The following PLCB1 variants were observed in gnomAD, a reference collection of about 807,000 sequenced individuals.
PLCB1 encodes phospholipase C beta 1, also known as 1-phosphatidylinositol 4,5-bisphosphate phosphodiesterase beta-1.
A neutral mutation model predicts 161.8 loss-of-function variants in PLCB1; 46 were observed. That is an observed-to-expected ratio of 0.28 (90% CI 0.22 to 0.36). The LOEUF (loss-of-function observed/expected upper bound fraction) is 0.36. Ranked by LOEUF, PLCB1 falls within the 10% of genes least tolerant of loss-of-function variation. The pLI, the probability that PLCB1 is intolerant of heterozygous loss-of-function variation, is 1.00. For synonymous variants in PLCB1, 517 were observed against 503.7 expected (o/e 1.03, Z -0.35); for missense variants, 1,016 against 1,472.5 (o/e 0.69, Z 5.07).
At chr20:8,263,632 G>C (rs528452419) in intron 2 of PLCB1, among the ~76,000 whole-genome samples, 1 of 152,286 alleles carries the variant, frequency 6.6e-6, no homozygotes, top group East Asian at 1.9e-4. Context: ...ATATGGCATA[G>C]CTTATTGCTC....
intron 2 of PLCB1, among the ~76,000 whole-genome samples, chr20:8,309,988 T>TA (rs2123335392): frequency 6.6e-6 from 1 of 152,310 alleles, no homozygotes; most frequent in African/African-American, 2.4e-5. Context: ...CAATGAGTCT[T>TA]AAAGATAAAA....
At chr20:8,207,044 A>G (rs892555872) in intron 2 of PLCB1, among the ~76,000 whole-genome samples, 5 of 143,902 alleles carry the variant, frequency 3.5e-5, no homozygotes, top group Admixed American at 1.4e-4. Context: ...TATAGACAAA[A>G]GACTGTAAGA....
At chr20:8,199,587 A>T (rs756384014) in intron 2 of PLCB1, among the ~76,000 whole-genome samples, 1 of 151,968 alleles carries the variant, frequency 6.6e-6, no homozygotes, top group Non-Finnish European at 1.5e-5. Flanking sequence ...TTATTTGGTG[A>T]TTTGTTGCTT....
intron 2 of PLCB1, among the ~76,000 whole-genome samples, chr20:8,167,086 A>G (rs921759991): frequency 6.6e-6 from 1 of 152,178 alleles, no homozygotes; most frequent in African/African-American, 2.4e-5. Context: ...TAAATACTGT[A>G]GTGTCTGATT....
intron 3 of PLCB1, among the ~76,000 whole-genome samples, chr20:8,591,006 T>G (rs1021551821): frequency 1.3e-5 from 2 of 152,058 alleles, no homozygotes; most frequent in Admixed American, 1.3e-4. Flanking sequence ...CCCCAGTGTG[T>G]TGTTCCCCTC....
chr20:8,615,142 C>T, intron 3 of PLCB1, among the ~76,000 whole-genome samples: 1 of 152,094 alleles, frequency 6.6e-6, no homozygotes, highest in East Asian at 1.9e-4. Flanking sequence ...ACACCATAAG[C>T]ATTGTATCTT....
intron 3 of PLCB1, among the ~76,000 whole-genome samples, chr20:8,555,716 T>C (rs1985930340): frequency 1.3e-5 from 2 of 152,118 alleles, no homozygotes; most frequent in Non-Finnish European, 2.9e-5. Context: ...ATATGGCATG[T>C]GCTCTTATCA....
Position 8,765,152 on chromosome 20 carries a change from G to A in PLCB1, c.2724G>A (p.Gln908=). The A allele has an allele frequency of 6.2e-7, 1 of 1,613,284 alleles. No individual in the cohort carries two copies. Among genetic ancestry groups the A allele is most frequent in the Non-Finnish European group, 8.5e-7 (1 of 1,179,782 alleles). ...CATTTGTTGCAGAAGTGGAAGCACAGACCATCGAAGAACTAAAGCAACAGA... is the reference window on the plus strand; with the variant it reads ...CATTTGTTGCAGAAGTGGAAGCACAAACCATCGAAGAACTAAAGCAACAGA... ...IQSVLTEVEA[Q]TIEELKQQKS... is the part of the protein sequence containing the mutation. Residue 908 remains glutamine, a synonymous_variant, in exon 26 of 32, where the codon CAG becomes CAA. Transcript: ENST00000338037.
chr20:8,745,509 A>C, intron 23 of PLCB1, among the ~76,000 whole-genome samples: 1 of 152,170 alleles, frequency 6.6e-6, no homozygotes, highest in East Asian at 1.9e-4. Flanking sequence ...TAATTTATAA[A>C]CCAAATAGAT....
At position 8,408,128 on chromosome 20, in the gene PLCB1, TATATC is replaced by T. The variant is rs751694673; in HGVS notation, c.246+36682_246+36686del. ...ATATTGGTTGATTGACTGTGACAAA[TATATC>T]ATACTAATGTAAGATATTAACAACA... On this transcript the variant is annotated intron_variant, in intron 3 of 31. Coordinates refer to ENST00000338037, the MANE Select transcript of PLCB1 (RefSeq NM_015192.4). 7.2e-4 allele frequency among the ~76,000 whole-genome samples: 109 copies of T among 152,358 alleles called. 1 individual carries two copies. The highest frequency in any genetic ancestry group is 1.2e-3 in the Non-Finnish European group (81 of 68,032).
chr20:8,764,573 C>T (rs4481068), intron 25 of PLCB1, among the ~76,000 whole-genome samples: 7,961 of 152,200 alleles, frequency 0.052, 459 homozygotes, highest in African/African-American at 0.15. Context: ...CTGTTAACAG[C>T]TCATAACTTC....
Position 8,605,757 on chromosome 20 carries a change from CAT to C in PLCB1, c.247-22534_247-22533del, listed in dbSNP as rs772730105. On this transcript the variant is annotated intron_variant, in intron 3 of 31. Transcript: ENST00000338037. The stretch of plus-strand genomic sequence containing the variant: ...TACCCACCACCCAAAAAGTGAATAT[CAT>C]ATCCAATAGGTAATTTTTCAACGTT... Among the ~76,000 whole-genome samples, 4 of 152,016 alleles carry C rather than the reference CAT, an allele frequency of 2.6e-5. No individual in the cohort carries two copies. In the East Asian group the frequency reaches 7.8e-4, roughly 30 times the overall value.
chr20:8,133,611 A>G (rs1240348978), intron 1 of PLCB1, among the ~76,000 whole-genome samples: 1 of 152,190 alleles, frequency 6.6e-6, no homozygotes, highest in Non-Finnish European at 1.5e-5. Flanking sequence ...CCTCTACCCC[A>G]GTTGTCTTCA....
chr20:8,644,094 G>A (rs1335669924), intron 4 of PLCB1, among the ~76,000 whole-genome samples: 3 of 152,224 alleles, frequency 2.0e-5, no homozygotes, highest in African/African-American at 7.2e-5. Context: ...GGTTCACTCA[G>A]TGCTCAATGG....
chr20:8,187,905 A>T (rs1398541506), intron 2 of PLCB1, among the ~76,000 whole-genome samples: 1 of 152,084 alleles, frequency 6.6e-6, no homozygotes, highest in Non-Finnish European at 1.5e-5. Flanking sequence ...TTAAAACTAG[A>T]TATGATAAAA....
intron 3 of PLCB1, among the ~76,000 whole-genome samples, chr20:8,519,829 TA>T (rs1642372528): frequency 6.6e-6 from 1 of 152,232 alleles, no homozygotes; most frequent in South Asian, 2.1e-4. Context: ...CATCATGTAT[TA>T]AATCCTGGAG....
At chr20:8,716,560 C>T (rs1469479067) in intron 13 of PLCB1, among the ~76,000 whole-genome samples, 5 of 152,190 alleles carry the variant, frequency 3.3e-5, no homozygotes, top group African/African-American at 9.7e-5. Flanking sequence ...TCTTCTCTCT[C>T]GCTGGCTGCC....
intron 31 of PLCB1, among the ~76,000 whole-genome samples, chr20:8,844,364 G>A (rs1011234562): frequency 6.6e-6 from 1 of 152,190 alleles, no homozygotes; most frequent in Admixed American, 6.5e-5. Context: ...TACACTGAAT[G>A]TGTTGAAACA....
intron 3 of PLCB1, among the ~76,000 whole-genome samples, chr20:8,475,447 A>G (rs1451184782): frequency 2.6e-5 from 4 of 152,146 alleles, no homozygotes; most frequent in Admixed American, 2.6e-4. Flanking sequence ...AAAAAGACAG[A>G]GATGTCCTTG....
Sources: allele counts gnomAD v4.1 joint callset (sites outside exome capture counted in the v4.1 genomes callset), GRCh38; gene constraint gnomAD v4.1.1; transcripts MANE v1.5; gene names NCBI Gene and HGNC (gene_info 2026-07-23, HGNC 2026-07-21).